Variants in NOL10 observed in about 807,000 individuals in gnomAD.
The protein encoded by NOL10 is H_NH0074G24.1.
In NOL10, 58 loss-of-function variants were observed where a neutral mutation model predicts 103.5. That is an observed-to-expected ratio of 0.56 (90% CI 0.45 to 0.70). The LOEUF (loss-of-function observed/expected upper bound fraction) is 0.70. Ranked by LOEUF, NOL10 falls within the 30% of genes least tolerant of loss-of-function variation. NOL10 has a pLI of 0.00. For synonymous variants in NOL10, 287 were observed against 282.5 expected, an observed-to-expected ratio of 1.02 and a Z score of -0.16; for missense variants, 763 against 807.3, an observed-to-expected ratio of 0.95 and a Z score of 0.67.
chr2:10,668,254 T>C (rs73167897), intron 7 of NOL10, among the ~76,000 whole-genome samples: 2,267 of 152,284 alleles, frequency 0.015, 71 homozygotes, highest in African/African-American at 0.051. Context: ...GACTATAATG[T>C]ATGATAAAAG....
At chr2:10,673,108 A>G (rs1478709995) in intron 5 of NOL10, among the ~76,000 whole-genome samples, 1 of 152,216 alleles carries the variant, frequency 6.6e-6, no homozygotes, top group East Asian at 1.9e-4. Flanking sequence ...AGTTAAAAAA[A>G]AATTAAACAC....
chr2:10,663,089 G>A (rs1285858426), intron 8 of NOL10, 45 bp from the exon 9 acceptor site: 1 of 1,509,630 alleles, frequency 6.6e-7, no homozygotes, highest in Non-Finnish European at 9.2e-7. Context: ...GTAGAAGGCG[G>A]GGCATGGTGG....
chr2:10,647,565 C>T (rs1262435745), intron 12 of NOL10, among the ~76,000 whole-genome samples: 1 of 152,196 alleles, frequency 6.6e-6, no homozygotes, highest in African/African-American at 2.4e-5. Context: ...CTTCACCACA[C>T]GTGTTGGGAA....
chr2:10,595,590 TTTGTTTTGTTTTTGTTTG>T (rs1558277518), intron 17 of NOL10, among the ~76,000 whole-genome samples: 16 of 75,252 alleles, frequency 2.1e-4, no homozygotes, highest in African/African-American at 5.8e-4. Context: ...GTTTTTTTGT[TTTGTTTTGTTTTTGTTTG>T]TTTGTTTGTT....
In NOL10 at chr2:10,674,231, TA is replaced by T. The variant is rs553120070; in HGVS notation, c.290-675del. 6.8e-4 allele frequency among the ~76,000 whole-genome samples: 95 copies of T among 138,916 alleles called. No homozygotes were observed. In the South Asian group the frequency reaches 0.011, roughly 15 times the overall value. The allele number at this position is 138,916 out of a possible 152,430, so 91.1% of individuals were successfully genotyped here. Reference sequence around the variant, plus strand: ...AGATCCTGTTTCTAAAAAGTAAAAATAAAAAAAAAAACAACAAAGGGTGAAA... The same window carrying T: ...AGATCCTGTTTCTAAAAAGTAAAAATAAAAAAAAAACAACAAAGGGTGAAA... On this transcript the variant is annotated intron_variant, in intron 4 of 20. Coordinates refer to ENST00000381685, the MANE Select transcript of NOL10 (RefSeq NM_024894.4).
At chr2:10,600,730 AATCTT>A (rs1262425420) in intron 17 of NOL10, 118 bp downstream of exon 17, 2 of 666,106 alleles carry the variant, frequency 3.0e-6, no homozygotes, top group Non-Finnish European at 5.3e-6. Flanking sequence ...AGCATATACT[AATCTT>A]ATACGCAGGA....
chr2:10,669,279 G>A (rs959661227), intron 6 of NOL10, among the ~76,000 whole-genome samples: 37 of 150,002 alleles, frequency 2.5e-4, no homozygotes, highest in Non-Finnish European at 4.4e-4. Flanking sequence ...TAGTAGAGGC[G>A]AGGTTTCACC....
At chr2:10,600,368 C>T (rs4668691) in intron 17 of NOL10, among the ~76,000 whole-genome samples, 90,085 of 152,044 alleles carry the variant, frequency 0.59, 27,693 homozygotes, top group African/African-American at 0.74. Flanking sequence ...ACACCAAGTC[C>T]AAATAAAAAT....
chr2:10,574,145 G>T (rs1229189154), intron 20 of NOL10, among the ~76,000 whole-genome samples: 1 of 152,152 alleles, frequency 6.6e-6, no homozygotes, highest in Non-Finnish European at 1.5e-5. Context: ...AGTAGACTGA[G>T]AACTGTGGTG....
chr2:10,663,743 A>C lies in NOL10; in HGVS notation c.592-699T>G, dbSNP rs186916136. 5.2e-4 allele frequency among the ~76,000 whole-genome samples: 79 copies of C among 152,094 alleles called. 2 individuals carry two copies. In the East Asian group the frequency reaches 0.014, roughly 27 times the overall value. ...GATGGGGAGATCACGAGGTCAGGAG[A>C]TCGAGACCATCCTGGCTAACACAGT... On this transcript the variant is annotated intron_variant, in intron 8 of 20. Transcript: ENST00000381685.
At chr2:10,577,937 A>C (rs534246420) in intron 19 of NOL10, among the ~76,000 whole-genome samples, 199 bp from the exon 20 acceptor site, 5 of 152,322 alleles carry the variant, frequency 3.3e-5, no homozygotes, top group South Asian at 4.1e-4. Context: ...ATAGACTGTA[A>C]AACAATGGCT....
In NOL10 at chr2:10,621,517, C is replaced by A. The variant is rs138530250; in HGVS notation, c.1027-14206G>T. Among the ~76,000 whole-genome samples, 651 of 152,188 alleles carry A rather than the reference C, an allele frequency of 4.3e-3. 9 individuals are homozygous for A. The highest frequency in any genetic ancestry group is 0.014 in the African/African-American group (600 of 41,490). On this transcript the variant is annotated intron_variant, in intron 13 of 20. Coordinates refer to ENST00000381685, the MANE Select transcript of NOL10 (RefSeq NM_024894.4). ...ACTGAGGTTGGGGAATCACTTGAAC[C>A]CCGGAATTCAAGGCTGCAGTGAGCT...
At chr2:10,596,086 A>G (rs1177321344) in intron 17 of NOL10, among the ~76,000 whole-genome samples, 1 of 152,104 alleles carries the variant, frequency 6.6e-6, no homozygotes, top group African/African-American at 2.4e-5. Flanking sequence ...TAGAGAGATG[A>G]GGTATTACTT....
Position 10,571,486 on chromosome 2 carries a change from A to G in NOL10, c.*585T>C, listed in dbSNP as rs1384854743. On this transcript the variant is annotated 3_prime_UTR_variant, in exon 21 of 21. Transcript: ENST00000381685. ...AAATACAGTGCTCAAACAGTTTTAG[A>G]TTTTCGGATTTGGGATGCTCTCAAC... The G allele has an allele frequency of 6.6e-6, 1 of 152,408 alleles. No homozygotes were observed. The allele number at this position is 152,408 out of a possible 1,614,324, so 9.4% of individuals were successfully genotyped here.
chr2:10,663,133 G>A (rs1352750072), intron 8 of NOL10, 89 bp from the exon 9 acceptor site: 13 of 965,272 alleles, frequency 1.3e-5, no homozygotes, highest in East Asian at 5.2e-5. Context: ...TTGGGAGGCC[G>A]AGGCGGGCTG....
intron 17 of NOL10, among the ~76,000 whole-genome samples, chr2:10,592,591 C>T (rs1221138699): frequency 6.6e-6 from 1 of 152,124 alleles, no homozygotes; most frequent in Non-Finnish European, 1.5e-5. Context: ...GTGCCTATTA[C>T]ACATTTTCAG....
At chr2:10,656,647 T>C (rs1679857550) in intron 11 of NOL10, among the ~76,000 whole-genome samples, 1 of 152,244 alleles carries the variant, frequency 6.6e-6, no homozygotes, top group African/African-American at 2.4e-5. Flanking sequence ...TGAGGGGCTG[T>C]CTGCAGCGTG....
At chr2:10,668,238 T>C (rs543421655) in intron 7 of NOL10, among the ~76,000 whole-genome samples, 12 of 152,332 alleles carry the variant, frequency 7.9e-5, no homozygotes, top group Non-Finnish European at 1.8e-4. Flanking sequence ...ATAGTACATA[T>C]GTGTAGACTA....
chr2:10,609,578 C>T (rs1167875736), intron 13 of NOL10, among the ~76,000 whole-genome samples: 12 of 151,856 alleles, frequency 7.9e-5, no homozygotes, highest in African/African-American at 2.2e-4. Flanking sequence ...CCAGCCTGGG[C>T]GACAGAGCGA....
Sources: gnomAD v4.1 joint callset for allele counts (sites outside exome capture counted in the v4.1 genomes callset) on GRCh38, gnomAD v4.1.1 for gene constraint, MANE v1.5 for transcripts, NCBI Gene and HGNC (gene_info 2026-07-23, HGNC 2026-07-21) for gene names.